Variants in SBF2 observed in about 807,000 individuals in gnomAD.
SBF2 encodes the protein myotubularin-related protein 13.
Under a neutral mutation model 225.2 loss-of-function variants are expected in SBF2, and 112 were observed. That is an observed-to-expected ratio of 0.50 (90% CI 0.43 to 0.58). SBF2 has a LOEUF of 0.58. SBF2 is among the 20% of genes least tolerant of loss of function. The probability of loss-of-function intolerance (pLI) is 0.00; values close to 1 mark genes in which losing one functional copy is unlikely to be tolerated. For synonymous variants in SBF2, 763 were observed against 773.3 expected (o/e 0.99, Z 0.22); for missense variants, 1,996 against 2,206.2 (o/e 0.90, Z 1.91).
At chr11:9,882,705 G>T (rs1859903532) in intron 17 of SBF2, among the ~76,000 whole-genome samples, 1 of 150,402 alleles carries the variant, frequency 6.6e-6, no homozygotes, top group South Asian at 2.1e-4. Flanking sequence ...TACTTGGGAG[G>T]CTGAGGCAGG....
intron 3 of SBF2, among the ~76,000 whole-genome samples, chr11:10,036,312 G>C (rs547964082): frequency 6.6e-6 from 1 of 152,006 alleles, no homozygotes; most frequent in Non-Finnish European, 1.5e-5. Flanking sequence ...ATTTAATGTA[G>C]ATGACAGGTT....
At chr11:9,786,890 A>AAT (rs1352816995) in intron 36 of SBF2, among the ~76,000 whole-genome samples, 1 of 152,134 alleles carries the variant, frequency 6.6e-6, no homozygotes, top group African/African-American at 2.4e-5. Context: ...TTGGTTTTAA[A>AAT]ATATATATAT....
At position 10,161,012 on chromosome 11, in the gene SBF2, C is replaced by T. The variant is rs554151584; in HGVS notation, c.141+32890G>A. 5.3e-5 allele frequency among the ~76,000 whole-genome samples: 8 copies of T among 152,092 alleles called. No homozygotes were observed. In the South Asian group the frequency reaches 1.0e-3, roughly 20 times the overall value. ...GACACGCCTGGCCAACATGGTGAAA[C>T]CCCATCTCTACTAAAAATACAAAAA... On this transcript the variant is annotated intron_variant, in intron 2 of 39. Coordinates refer to ENST00000256190, the MANE Select transcript of SBF2 (RefSeq NM_030962.4).
At chr11:10,064,192 T>C (rs1950554573) in intron 2 of SBF2, among the ~76,000 whole-genome samples, 1 of 151,924 alleles carries the variant, frequency 6.6e-6, no homozygotes. Context: ...AGCACAAAAT[T>C]TGGGAAGGGA....
intron 28 of SBF2, 75 bp from the exon 29 acceptor site, chr11:9,817,099 C>A: frequency 1.3e-6 from 2 of 1,511,290 alleles, no homozygotes; most frequent in African/African-American, 2.7e-5. Context: ...AAGGTGCATG[C>A]TCTGGAGCTA....
intron 2 of SBF2, among the ~76,000 whole-genome samples, chr11:10,116,914 T>C (rs537067760): frequency 6.6e-6 from 1 of 152,338 alleles, no homozygotes; most frequent in Admixed American, 6.5e-5. Flanking sequence ...TTCAAAACTA[T>C]TACTTTTTCC....
At chr11:9,970,332 G>A (rs965292512) in intron 13 of SBF2, among the ~76,000 whole-genome samples, 2 of 151,584 alleles carry the variant, frequency 1.3e-5, no homozygotes, top group Admixed American at 1.3e-4. Context: ...TCAGTCTCCC[G>A]AGGAGCTGGG....
chr11:10,065,406 A>AT (rs1442435414), intron 2 of SBF2, among the ~76,000 whole-genome samples: 3 of 152,136 alleles, frequency 2.0e-5, no homozygotes, highest in Admixed American at 6.6e-5. Flanking sequence ...GATAATAGGG[A>AT]TAAAAACAGA....
chr11:10,023,997 A>G (rs1310149247), intron 6 of SBF2, among the ~76,000 whole-genome samples: 2 of 152,200 alleles, frequency 1.3e-5, no homozygotes, highest in Non-Finnish European at 2.9e-5. Flanking sequence ...CGCTCTTCCT[A>G]TCCATGAAAC....
intron 17 of SBF2, among the ~76,000 whole-genome samples, chr11:9,893,812 T>C (rs954353802): frequency 1.3e-5 from 2 of 152,226 alleles, no homozygotes; most frequent in African/African-American, 2.4e-5. Context: ...AGGGGCTCTC[T>C]TCCAAGTTTG....
intron 16 of SBF2, among the ~76,000 whole-genome samples, chr11:9,938,458 C>A: frequency 1.4e-5 from 2 of 147,708 alleles, no homozygotes. Flanking sequence ...CCAGGAATGG[C>A]TTAAAAAGTA....
intron 16 of SBF2, among the ~76,000 whole-genome samples, chr11:9,914,885 C>G (rs1260308326): frequency 7.8e-6 from 1 of 128,320 alleles, no homozygotes; most frequent in Non-Finnish European, 1.5e-5. Context: ...AAATATACCA[C>G]TATGTTACAG....
At chr11:9,785,403 C>G in intron 36 of SBF2, 85 bp from the exon 37 acceptor site, 1 of 1,147,550 alleles carries the variant, frequency 8.7e-7, no homozygotes, top group South Asian at 1.3e-5. Flanking sequence ...ATATTTATCT[C>G]AAGGAAAAAA....
intron 1 of SBF2, among the ~76,000 whole-genome samples, chr11:10,227,422 C>G (rs1399343644): frequency 4.6e-5 from 7 of 152,060 alleles, no homozygotes; most frequent in Admixed American, 1.3e-4. Flanking sequence ...ATGGTATTGC[C>G]TAGGTTTTCT....
intron 1 of SBF2, among the ~76,000 whole-genome samples, chr11:10,226,181 T>C (rs1002242349): frequency 1.3e-5 from 2 of 152,142 alleles, no homozygotes; most frequent in Admixed American, 6.6e-5. Flanking sequence ...AGTGTACAGC[T>C]ACTAAAAGTA....
At chr11:9,859,622 T>C (rs1179020877) in intron 17 of SBF2, among the ~76,000 whole-genome samples, 1 of 152,228 alleles carries the variant, frequency 6.6e-6, no homozygotes, top group Non-Finnish European at 1.5e-5. Context: ...CTGAGTGTCT[T>C]CTCCTGAAAT....
intron 2 of SBF2, among the ~76,000 whole-genome samples, chr11:10,183,612 C>T (rs989307747): frequency 6.6e-6 from 1 of 152,182 alleles, no homozygotes; most frequent in African/African-American, 2.4e-5. Flanking sequence ...GGTCAAGGCT[C>T]ATTTTTTTCC....
chr11:9,935,453 T>G (rs893411825), intron 16 of SBF2, among the ~76,000 whole-genome samples: 1 of 152,136 alleles, frequency 6.6e-6, no homozygotes, highest in Non-Finnish European at 1.5e-5. Flanking sequence ...TGAAAAAAAC[T>G]ACTTTAAAGT....
chr11:9,945,788 T>C (rs567244607), intron 16 of SBF2, among the ~76,000 whole-genome samples: 2 of 152,148 alleles, frequency 1.3e-5, no homozygotes, highest in East Asian at 3.9e-4. Context: ...AACAGACACT[T>C]CTCAAAAGAA....
Sources: gnomAD v4.1 joint callset for allele counts (sites outside exome capture counted in the v4.1 genomes callset) on GRCh38, gnomAD v4.1.1 for gene constraint, MANE v1.5 for transcripts, NCBI Gene and HGNC (gene_info 2026-07-23, HGNC 2026-07-21) for gene names.